ENTREP2: variants seen among roughly 807,000 people sequenced by gnomAD.
The protein encoded by ENTREP2 is protein ENTREP2.
chr15:29,638,288 A>C, the ENTREP2 span, among the ~76,000 whole-genome samples: 1 of 152,226 alleles, frequency 6.6e-6, no homozygotes, highest in Non-Finnish European at 1.5e-5. Context: ...TTTCCAGCCC[A>C]GTGATCCTTG....
At chr15:29,383,355 G>A in the ENTREP2 span, among the ~76,000 whole-genome samples, 418 of 152,198 alleles carry the variant, frequency 2.7e-3, 3 homozygotes, top group Non-Finnish European at 4.1e-3. Context: ...CTTCTTCCCC[G>A]TCACTCAAGC....
At chr15:29,451,280 C>T in the ENTREP2 span, among the ~76,000 whole-genome samples, 1 of 151,948 alleles carries the variant, frequency 6.6e-6, no homozygotes, top group African/African-American at 2.4e-5. Context: ...CTGGCCGGCC[C>T]TCGGCCCTCG....
At chr15:29,273,014 G>A in the ENTREP2 span, among the ~76,000 whole-genome samples, 237 of 152,180 alleles carry the variant, frequency 1.6e-3, no homozygotes, top group African/African-American at 5.2e-3. Flanking sequence ...TCTTTTGAAA[G>A]GGCTGATTTC....
chr15:29,154,759 C>G, the ENTREP2 span, among the ~76,000 whole-genome samples: 1 of 152,222 alleles, frequency 6.6e-6, no homozygotes, highest in Non-Finnish European at 1.5e-5. Context: ...GTGTTCCAAT[C>G]TGTAACATCC....
At chr15:29,352,295 C>T in the ENTREP2 span, among the ~76,000 whole-genome samples, 2 of 152,112 alleles carry the variant, frequency 1.3e-5, no homozygotes, top group African/African-American at 2.4e-5. Flanking sequence ...ACACTGTTCT[C>T]CCCACTTTAC....
the ENTREP2 span, among the ~76,000 whole-genome samples, chr15:29,632,409 C>G: frequency 6.6e-6 from 1 of 152,042 alleles, no homozygotes; most frequent in Non-Finnish European, 1.5e-5. Context: ...TTTTTTTCCT[C>G]AGAATGTTGG....
chr15:29,212,196 T>A, the ENTREP2 span, among the ~76,000 whole-genome samples: 1 of 152,218 alleles, frequency 6.6e-6, no homozygotes, highest in Non-Finnish European at 1.5e-5. Flanking sequence ...CTTCCTGCCT[T>A]ACGCTAGGAG....
At chr15:29,363,294 TA>T in the ENTREP2 span, among the ~76,000 whole-genome samples, 1 of 152,216 alleles carries the variant, frequency 6.6e-6, no homozygotes, top group Non-Finnish European at 1.5e-5. Context: ...CCTATATTTT[TA>T]ATAGCATATA....
chr15:29,282,042 G>A, the ENTREP2 span, among the ~76,000 whole-genome samples: 3 of 152,176 alleles, frequency 2.0e-5, no homozygotes, highest in Admixed American at 1.3e-4. Context: ...CTGTAGGTTA[G>A]AAAGTCAGGA....
chr15:29,194,239 TG>T, the ENTREP2 span, among the ~76,000 whole-genome samples: 1 of 152,236 alleles, frequency 6.6e-6, no homozygotes, highest in East Asian at 1.9e-4. Context: ...TGATCTCAGA[TG>T]AAAGTCAGTC....
At chr15:29,563,572 C>G in the ENTREP2 span, among the ~76,000 whole-genome samples, 1 of 152,278 alleles carries the variant, frequency 6.6e-6, no homozygotes, top group African/African-American at 2.4e-5. Flanking sequence ...TGGCTCGTGC[C>G]TATAATCCCA....
the ENTREP2 span, among the ~76,000 whole-genome samples, chr15:29,549,315 G>A: frequency 2.2e-3 from 337 of 150,080 alleles, no homozygotes; most frequent in African/African-American, 8.0e-3. Flanking sequence ...TGTAGCCCAG[G>A]CTGGAGTGCA....
At chr15:29,246,201 G>A in the ENTREP2 span, among the ~76,000 whole-genome samples, 1 of 152,092 alleles carries the variant, frequency 6.6e-6, no homozygotes, top group Non-Finnish European at 1.5e-5. Context: ...AGACCAGCCT[G>A]GCCAACACGG....
At chr15:29,190,066 G>A in the ENTREP2 span, among the ~76,000 whole-genome samples, 1 of 152,166 alleles carries the variant, frequency 6.6e-6, no homozygotes, top group Non-Finnish European at 1.5e-5. Context: ...ATGGGTCCTG[G>A]AGGGCTGAGA....
At chr15:29,530,590 G>C in the ENTREP2 span, among the ~76,000 whole-genome samples, 1 of 152,186 alleles carries the variant, frequency 6.6e-6, no homozygotes, top group African/African-American at 2.4e-5. Flanking sequence ...CCATTGACAA[G>C]GACACTCCAG....
chr15:29,340,299 A>T, the ENTREP2 span, among the ~76,000 whole-genome samples: 1 of 152,168 alleles, frequency 6.6e-6, no homozygotes, highest in Non-Finnish European at 1.5e-5. Flanking sequence ...ATCAGGAACG[A>T]CATCTCAGTG....
chr15:29,547,762 C>T, the ENTREP2 span, among the ~76,000 whole-genome samples: 11 of 152,162 alleles, frequency 7.2e-5, no homozygotes, highest in Non-Finnish European at 1.6e-4. Context: ...AAATGGAAAT[C>T]GGGGTCCAAG....
At chr15:29,407,925 C>A in the ENTREP2 span, among the ~76,000 whole-genome samples, 1 of 152,098 alleles carries the variant, frequency 6.6e-6, no homozygotes, top group Non-Finnish European at 1.5e-5. Flanking sequence ...GGTGATCCAC[C>A]CACCTCGGCC....
chr15:29,568,528 T>A, the ENTREP2 span, among the ~76,000 whole-genome samples: 5 of 148,522 alleles, frequency 3.4e-5, no homozygotes, highest in Non-Finnish European at 7.4e-5. Flanking sequence ...CGAGACCCCA[T>A]CTCTTAAAAA....
Sources: allele counts gnomAD v4.1 joint callset (sites outside exome capture counted in the v4.1 genomes callset), GRCh38; gene constraint gnomAD v4.1.1; transcripts MANE v1.5; gene names NCBI Gene and HGNC (gene_info 2026-07-23, HGNC 2026-07-21).